Variants in TTC28 observed in about 807,000 individuals in gnomAD.
TTC28 encodes tetratricopeptide repeat domain 28, also known as tetratricopeptide repeat protein 28.
In TTC28, 61 loss-of-function variants were observed where a neutral mutation model predicts 198.0. That is an observed-to-expected ratio of 0.31 (90% CI 0.25 to 0.38). The LOEUF is 0.38. TTC28 is among the 10% of genes least tolerant of loss of function. The pLI, the probability that TTC28 is intolerant of heterozygous loss-of-function variation, is 1.00. For synonymous variants in TTC28, 1,171 were observed against 1,297.8 expected (o/e 0.90, Z 2.10); for missense variants, 2,678 against 3,164.0 (o/e 0.85, Z 3.69).
chr22:28,562,019 C>T (rs1268887329), intron 2 of TTC28, among the ~76,000 whole-genome samples: 1 of 152,128 alleles, frequency 6.6e-6, no homozygotes, highest in African/African-American at 2.4e-5. Context: ...GTATTTGACA[C>T]ATATGGCATA....
chr22:28,045,308 G>T (rs1939820158), intron 12 of TTC28, among the ~76,000 whole-genome samples: 1 of 152,206 alleles, frequency 6.6e-6, no homozygotes, highest in Non-Finnish European at 1.5e-5. Flanking sequence ...GCTCCAATGA[G>T]CATTTCCTCT....
At chr22:28,390,171 C>G (rs923146612) in intron 2 of TTC28, among the ~76,000 whole-genome samples, 2 of 152,074 alleles carry the variant, frequency 1.3e-5, no homozygotes, top group Non-Finnish European at 2.9e-5. Context: ...GAATCTTAAC[C>G]CTGAGTTCTA....
At chr22:28,180,850 G>C (rs1923628217) in intron 5 of TTC28, among the ~76,000 whole-genome samples, 1 of 152,116 alleles carries the variant, frequency 6.6e-6, no homozygotes, top group Non-Finnish European at 1.5e-5. Context: ...GTCTTTAATG[G>C]TCTTAAATTA....
At chr22:28,502,967 T>TATA (rs2048557651) in intron 2 of TTC28, among the ~76,000 whole-genome samples, 1 of 152,222 alleles carries the variant, frequency 6.6e-6, no homozygotes, top group Non-Finnish European at 1.5e-5. Flanking sequence ...GTTGAATGTT[T>TATA]ATATTCTTTC....
chr22:28,557,086 A>G (rs1467690473), intron 2 of TTC28, among the ~76,000 whole-genome samples: 30 of 152,206 alleles, frequency 2.0e-4, no homozygotes, highest in Admixed American at 1.9e-3. Context: ...AGAAAGAATC[A>G]TTCGGGATCA....
At chr22:28,156,827 G>A (rs1008468570) in intron 6 of TTC28, among the ~76,000 whole-genome samples, 2 of 152,102 alleles carry the variant, frequency 1.3e-5, no homozygotes, top group African/African-American at 4.8e-5. Context: ...TAAATTTATA[G>A]CTATAAGTGC....
intron 5 of TTC28, among the ~76,000 whole-genome samples, chr22:28,173,151 A>G (rs1168765867): frequency 3.9e-5 from 6 of 152,222 alleles, no homozygotes; most frequent in African/African-American, 1.4e-4. Context: ...TACAGGAAAT[A>G]AAGTCCGGTA....
At position 27,982,789 on chromosome 22, in the gene TTC28, G is replaced by C; in HGVS notation, c.6878C>G (p.Ser2293Cys). The C allele has an allele frequency of 1.3e-6, 2 of 1,546,326 alleles. No individual in the cohort carries two copies. Among genetic ancestry groups the C allele is most frequent in the Non-Finnish European group, 8.7e-7 (1 of 1,143,538 alleles). ...TTTGGAAATGTGAGCGCTGTAAGGAGAGCTGGGGTACTTCAGTTTAAAGAG... is the reference window on the plus strand; with the variant it reads ...TTTGGAAATGTGAGCGCTGTAAGGACAGCTGGGGTACTTCAGTTTAAAGAG... ...QPLFKLKYPS[S>C]PYSAHISKSP... The change falls in exon 23 of 23, where the codon TCT becomes TGT. Residue 2293 changes from serine to cysteine, a missense_variant. Ser to Cys is a moderately radical substitution (Grantham distance 112). Coordinates refer to ENST00000397906, the MANE Select transcript of TTC28 (RefSeq NM_001145418.2). This position sits in a 1 kb window ranked among gnomAD's most constrained non-coding sequence, Gnocchi z 5.2.
chr22:28,504,004 T>C (rs1273097942), intron 2 of TTC28, among the ~76,000 whole-genome samples: 1 of 152,240 alleles, frequency 6.6e-6, no homozygotes, highest in Non-Finnish European at 1.5e-5. Flanking sequence ...ACAATTACGC[T>C]TGAGTCAATA....
chr22:28,595,549 T>C (rs568266970), intron 2 of TTC28, among the ~76,000 whole-genome samples: 41 of 152,316 alleles, frequency 2.7e-4, no homozygotes, highest in South Asian at 1.7e-3. Context: ...CCACAAGATT[T>C]TGCACAGTGT....
At chr22:28,643,264 G>T (rs191269353) in intron 1 of TTC28, 1 of 152,232 alleles carries the variant, frequency 6.6e-6, no homozygotes, top group Non-Finnish European at 1.5e-5. Flanking sequence ...GTGCCACTGC[G>T]TCTGGCATAG....
chr22:28,287,166 T>G (rs368581340), intron 5 of TTC28, among the ~76,000 whole-genome samples: 1 of 152,170 alleles, frequency 6.6e-6, no homozygotes, highest in Non-Finnish European at 1.5e-5. Context: ...GTCATAAAGA[T>G]AGACAAAATT....
intron 6 of TTC28, among the ~76,000 whole-genome samples, chr22:28,142,025 A>G (rs925422728): frequency 6.6e-6 from 1 of 152,234 alleles, no homozygotes; most frequent in Admixed American, 6.5e-5. Flanking sequence ...CATACCTAAT[A>G]AAAATGCATT....
At chr22:28,383,774 A>G (rs375559075) in intron 2 of TTC28, among the ~76,000 whole-genome samples, 1 of 152,192 alleles carries the variant, frequency 6.6e-6, no homozygotes, top group Non-Finnish European at 1.5e-5. Flanking sequence ...GGGCCTCCCA[A>G]TTGGAATTGG....
intron 21 of TTC28, among the ~76,000 whole-genome samples, chr22:27,989,184 G>A (rs1275847618): frequency 6.6e-6 from 1 of 152,110 alleles, no homozygotes; most frequent in African/African-American, 2.4e-5. Flanking sequence ...GTTACAAATG[G>A]TAAAAAAGGG....
At chr22:28,576,712 G>A (rs1045109740) in intron 2 of TTC28, among the ~76,000 whole-genome samples, 1 of 151,894 alleles carries the variant, frequency 6.6e-6, no homozygotes, top group African/African-American at 2.4e-5. Context: ...CTCAATCTTG[G>A]TAGGCTATAT....
At chr22:28,673,114 C>T (rs909634998) in intron 1 of TTC28, among the ~76,000 whole-genome samples, 4 of 152,172 alleles carry the variant, frequency 2.6e-5, no homozygotes, top group African/African-American at 9.7e-5. Flanking sequence ...GTGGCTCACA[C>T]CTGTAATCCC....
chr22:28,110,478 T>C (rs1296596852), intron 6 of TTC28, among the ~76,000 whole-genome samples: 1 of 152,232 alleles, frequency 6.6e-6, no homozygotes, highest in Non-Finnish European at 1.5e-5. Flanking sequence ...ATATTAGTTA[T>C]TGAAATTATT....
intron 2 of TTC28, among the ~76,000 whole-genome samples, chr22:28,475,149 C>CAAAAAAA (rs386395148): frequency 7.5e-4 from 49 of 64,956 alleles, no homozygotes; most frequent in African/African-American, 1.6e-3. Flanking sequence ...GACTCCATCT[C>CAAAAAAA]AAAAAAAAAA....
Sources: allele counts gnomAD v4.1 joint callset (sites outside exome capture counted in the v4.1 genomes callset), GRCh38; gene constraint gnomAD v4.1.1; non-coding constraint Gnocchi (gnomAD v3.1); transcripts MANE v1.5; gene names NCBI Gene and HGNC (gene_info 2026-07-23, HGNC 2026-07-21).